Variants in CYP2C19 observed in about 807,000 individuals in gnomAD.
CYP2C19 encodes the protein cytochrome P450 family 2 subfamily C member 19, also known as cytochrome P450 2C19.
In CYP2C19, 59 loss-of-function variants were observed where a neutral mutation model predicts 40.9. That is an observed-to-expected ratio of 1.44 (90% CI 1.17 to 1.79). The LOEUF (loss-of-function observed/expected upper bound fraction) is 1.79, where lower values mean the gene tolerates loss of function less well. Ranked by LOEUF, CYP2C19 falls within the 40% of genes most tolerant of loss-of-function variation. The pLI, the probability that CYP2C19 is intolerant of heterozygous loss-of-function variation, is 0.00. For synonymous variants in CYP2C19, 253 were observed against 208.7 expected, an observed-to-expected ratio of 1.21 and a Z score of -1.83; for missense variants, 754 against 596.9, an observed-to-expected ratio of 1.26 and a Z score of -2.74.
At chr10:94,763,313 G>A (rs17882547) in intron 1 of CYP2C19, among the ~76,000 whole-genome samples, 25,191 of 151,954 alleles carry the variant, frequency 0.17, 2,283 homozygotes, top group South Asian at 0.33. Context: ...TGTAAAGGAA[G>A]CAGCTGTGGG....
chr10:94,799,730 C>T (rs1443075660), intron 5 of CYP2C19, among the ~76,000 whole-genome samples: 1 of 152,096 alleles, frequency 6.6e-6, no homozygotes, highest in Non-Finnish European at 1.5e-5. Flanking sequence ...TGTCTTCTCA[C>T]TTTATTTCTT....
chr10:94,795,416 G>C (rs1313880421), intron 5 of CYP2C19, among the ~76,000 whole-genome samples: 1 of 151,930 alleles, frequency 6.6e-6, no homozygotes, highest in South Asian at 2.1e-4. Context: ...ATGGACATTT[G>C]GGTTGGTTCC....
At chr10:94,791,671 C>G (rs980953752) in intron 5 of CYP2C19, among the ~76,000 whole-genome samples, 4 of 152,048 alleles carry the variant, frequency 2.6e-5, no homozygotes, top group Admixed American at 2.0e-4. Flanking sequence ...TGTAGTTGAG[C>G]AGTTTTGAGT....
At chr10:94,774,342 T>C (rs1335646598) in intron 1 of CYP2C19, 1 of 152,248 alleles carries the variant, frequency 6.6e-6, no homozygotes, top group African/African-American at 2.4e-5. Context: ...TAGATCAGTT[T>C]GGCACAGAAA....
At chr10:94,790,451 T>G (rs939623579) in intron 5 of CYP2C19, among the ~76,000 whole-genome samples, 5 of 152,210 alleles carry the variant, frequency 3.3e-5, no homozygotes, top group Non-Finnish European at 7.3e-5. Context: ...CTTCCAGTTT[T>G]TGCCCATTCA....
Position 94,853,712 on chromosome 10 carries a change from A to T in CYP2C19, c.*798A>T, listed in dbSNP as rs571128110. On this transcript the variant is annotated 3_prime_UTR_variant, in exon 9 of 9. Coordinates refer to ENST00000371321, the MANE Select transcript of CYP2C19 (RefSeq NM_000769.4). Reference sequence around the variant, plus strand: ...AGACACGTGCCACCATGCCTGGCTAATTTTTTTGTATTTTTAGTACAGACA... The same window carrying T: ...AGACACGTGCCACCATGCCTGGCTATTTTTTTTGTATTTTTAGTACAGACA... Among the ~76,000 whole-genome samples, 98 of 151,774 alleles carry T rather than the reference A, an allele frequency of 6.5e-4. No homozygotes were observed. Among genetic ancestry groups the T allele is most frequent in the African/African-American group, 1.7e-3 (72 of 41,408 alleles).
At chr10:94,828,191 G>C (rs1403963468) in intron 6 of CYP2C19, among the ~76,000 whole-genome samples, 1 of 152,124 alleles carries the variant, frequency 6.6e-6, no homozygotes, top group Admixed American at 6.6e-5. Context: ...GCTTGGTGCA[G>C]ACCTGAGTTC....
intron 1 of CYP2C19, among the ~76,000 whole-genome samples, chr10:94,766,572 G>A (rs1848247419): frequency 1.3e-5 from 2 of 152,130 alleles, no homozygotes; most frequent in South Asian, 4.2e-4. Context: ...CATTAAAGGG[G>A]CAAGAAGAGG....
chr10:94,801,247 T>A (rs1007797809), intron 5 of CYP2C19, among the ~76,000 whole-genome samples: 1 of 152,230 alleles, frequency 6.6e-6, no homozygotes, highest in Non-Finnish European at 1.5e-5. Flanking sequence ...TCAATTTCCC[T>A]CTACACAATG....
At chr10:94,767,045 C>A (rs897575602) in intron 1 of CYP2C19, among the ~76,000 whole-genome samples, 1 of 152,006 alleles carries the variant, frequency 6.6e-6, no homozygotes, top group Non-Finnish European at 1.5e-5. Flanking sequence ...TATCTTTGAC[C>A]AAGTTGGCCG....
At chr10:94,835,321 T>C (rs1483240957) in intron 6 of CYP2C19, among the ~76,000 whole-genome samples, 1 of 152,044 alleles carries the variant, frequency 6.6e-6, no homozygotes, top group East Asian at 1.9e-4. Flanking sequence ...AAGTGAAAGG[T>C]TTGGTGAAGG....
At chr10:94,834,955 C>T (rs1261848987) in intron 6 of CYP2C19, among the ~76,000 whole-genome samples, 1 of 152,158 alleles carries the variant, frequency 6.6e-6, no homozygotes, top group Non-Finnish European at 1.5e-5. Context: ...ACTGCTCTAG[C>T]TGCTTCCTGC....
intron 6 of CYP2C19, among the ~76,000 whole-genome samples, chr10:94,841,076 C>T (rs1490172516): frequency 2.0e-5 from 3 of 152,124 alleles, no homozygotes; most frequent in African/African-American, 7.2e-5. Flanking sequence ...TGGTGGTGGG[C>T]CACTTCCAAG....
chr10:94,832,523 G>A (rs1849350482), intron 6 of CYP2C19, among the ~76,000 whole-genome samples: 1 of 152,070 alleles, frequency 6.6e-6, no homozygotes. Context: ...TTTGGGGTGG[G>A]GACACAGCCA....
intron 3 of CYP2C19, among the ~76,000 whole-genome samples, chr10:94,778,956 C>T (rs1848446837): frequency 6.6e-6 from 1 of 152,116 alleles, no homozygotes; most frequent in Non-Finnish European, 1.5e-5. Context: ...AGTTCATGTC[C>T]TTTGCAGGGA....
At chr10:94,768,616 A>G (rs951337650) in intron 1 of CYP2C19, among the ~76,000 whole-genome samples, 2 of 152,186 alleles carry the variant, frequency 1.3e-5, no homozygotes, top group African/African-American at 4.8e-5. Flanking sequence ...TGAGTAGTCC[A>G]GACAGTGAGA....
In CYP2C19 at chr10:94,818,130, C is replaced by G. The variant is rs1191475942; in HGVS notation, c.820-2366C>G. Among the ~76,000 whole-genome samples, 3 of 149,156 alleles carry G rather than the reference C, an allele frequency of 2.0e-5. No homozygotes were observed. In the Admixed American group the frequency reaches 2.0e-4, roughly 10 times the overall value. On this transcript the variant is annotated intron_variant, in intron 5 of 8. Transcript: ENST00000371321. ...TATGGCTAGCCAGTTTTCCCAGCAC[C>G]ATTTATTAAATAGGGAATCCTTTCC... is the stretch of plus-strand genomic sequence containing the variant.
chr10:94,764,877 A>G (rs1554847712), intron 1 of CYP2C19, among the ~76,000 whole-genome samples: 1 of 152,138 alleles, frequency 6.6e-6, no homozygotes, highest in Non-Finnish European at 1.5e-5. Context: ...GCCTAACTCC[A>G]GAGGTTGGTA....
intron 5 of CYP2C19, among the ~76,000 whole-genome samples, chr10:94,794,954 G>A (rs1848661427): frequency 6.6e-6 from 1 of 151,904 alleles, no homozygotes; most frequent in Non-Finnish European, 1.5e-5. Flanking sequence ...TTGAATAGGA[G>A]TGATGAGAGA....
Sources: gnomAD v4.1 joint callset for allele counts (sites outside exome capture counted in the v4.1 genomes callset) on GRCh38, gnomAD v4.1.1 for gene constraint, MANE v1.5 for transcripts, NCBI Gene and HGNC (gene_info 2026-07-23, HGNC 2026-07-21) for gene names.